The following TMEM71 variants were observed in gnomAD, a reference collection of about 807,000 sequenced individuals.
The protein encoded by TMEM71 is transmembrane protein 71.
In TMEM71, 44 loss-of-function variants were observed where a neutral mutation model predicts 38.0. The ratio of observed to expected loss-of-function variants is 1.16; its 90% confidence interval spans 0.91 to 1.49. The LOEUF (loss-of-function observed/expected upper bound fraction) is 1.49, where lower values mean the gene tolerates loss of function less well. Among genes scored for constraint, TMEM71 ranks in the 40% most tolerant of loss-of-function variants. TMEM71 has a pLI of 0.00. For synonymous variants in TMEM71, 133 were observed against 122.5 expected, an observed-to-expected ratio of 1.09 and a Z score of -0.56; for missense variants, 367 against 348.6, an observed-to-expected ratio of 1.05 and a Z score of -0.42.
chr8:132,735,123 G>T (rs995221281), intron 5 of TMEM71, among the ~76,000 whole-genome samples: 4 of 152,140 alleles, frequency 2.6e-5, no homozygotes, highest in African/African-American at 9.7e-5. Flanking sequence ...TGAATCCTCT[G>T]CTCTCTTTCA....
chr8:132,738,391 T>C lies in TMEM71; in HGVS notation c.487+8551A>G, dbSNP rs551615561. ...TTCTTTGATTCTCCCACGTTCTCACTACTATATTCTATCTATCACTAACCT... is the reference window on the plus strand; with the variant it reads ...TTCTTTGATTCTCCCACGTTCTCACCACTATATTCTATCTATCACTAACCT... On this transcript the variant is annotated intron_variant, in intron 5 of 9. Transcript: ENST00000677595. Among the ~76,000 whole-genome samples, 3 of 152,324 alleles carry C rather than the reference T, an allele frequency of 2.0e-5. No individual in the cohort carries two copies. The East Asian group carries it at 5.8e-4, about 29-fold the overall frequency.
chr8:132,739,857 G>C (rs1827945105), intron 5 of TMEM71, among the ~76,000 whole-genome samples: 1 of 152,092 alleles, frequency 6.6e-6, no homozygotes, highest in Non-Finnish European at 1.5e-5. Context: ...AAATCTTGTT[G>C]AGTCTACCTG....
the TMEM71 span, among the ~76,000 whole-genome samples, chr8:132,774,443 A>G: frequency 6.6e-6 from 1 of 152,248 alleles, no homozygotes; most frequent in Admixed American, 6.5e-5. Flanking sequence ...TGCTGAATGA[A>G]TGTTTGTTGA....
At chr8:132,715,329 G>C (rs1586782914) in intron 7 of TMEM71, among the ~76,000 whole-genome samples, 2 of 144,342 alleles carry the variant, frequency 1.4e-5, no homozygotes, top group East Asian at 4.1e-4. Context: ...AGAATGGCGT[G>C]AACCCGGGAG....
intron 4 of TMEM71, among the ~76,000 whole-genome samples, chr8:132,749,787 G>A (rs565475838): frequency 8.9e-4 from 136 of 152,100 alleles, no homozygotes; most frequent in African/African-American, 2.9e-3. Context: ...AGTTTGAGGC[G>A]GGCGGATCAC....
At chr8:132,775,406 A>AGGC in the TMEM71 span, 611 of 382,648 alleles carry the variant, frequency 1.6e-3, 1 homozygote, top group East Asian at 2.0e-3. Flanking sequence ...CCGGCGGCGG[A>AGGC]GGCGGCGGCG....
Position 132,751,969 on chromosome 8 carries a change from G to A in TMEM71, c.130C>T (p.His44Tyr), listed in dbSNP as rs1300806221. The A allele has an allele frequency of 6.2e-7, 1 of 1,614,058 alleles. No individual in the cohort carries two copies. Among genetic ancestry groups the A allele is most frequent in the Non-Finnish European group, 8.5e-7 (1 of 1,180,026 alleles). Residue 44 changes from histidine to tyrosine, a missense_variant, in exon 4 of 10, where the codon CAT becomes TAT. Coordinates refer to ENST00000677595, the MANE Select transcript of TMEM71 (RefSeq NM_001382403.1). Reference sequence around the variant, plus strand: ...TCTATGGAGCCGCATTCAAAAGAATGGTAACCATCCAGGGAATCACAGGTG... The same window carrying A: ...TCTATGGAGCCGCATTCAAAAGAATAGTAACCATCCAGGGAATCACAGGTG... ...SFTCDSLDGYHSFECGSIDPL... is the reference protein window; with the variant it reads ...SFTCDSLDGYYSFECGSIDPL...
Position 132,747,031 on chromosome 8 carries a change from C to G in TMEM71, c.398G>C (p.Ser133Thr). The change falls in exon 5 of 10, where the codon AGT becomes ACT. Residue 133 changes from serine (S) to threonine (T), a missense_variant. Transcript: ENST00000677595. ...LSTSKSWLHGSIFGDINSSPS... is the reference protein window; with the variant it reads ...LSTSKSWLHGTIFGDINSSPS... ...AGAAGAGTTGATGTCACCAAAGATA[C>G]TTCCATGCAGCCAAGATTTGGAGGT... 3 of 1,613,830 alleles carry G rather than the reference C, an allele frequency of 1.9e-6. No individual in the cohort carries two copies. Among genetic ancestry groups the G allele is most frequent in the Non-Finnish European group, 2.5e-6 (3 of 1,179,904 alleles).
intron 5 of TMEM71, among the ~76,000 whole-genome samples, chr8:132,743,733 C>G (rs2131140118): frequency 6.6e-6 from 1 of 152,268 alleles, no homozygotes; most frequent in Non-Finnish European, 1.5e-5. Flanking sequence ...CCTCTGAGCT[C>G]TGGATTGCAA....
At chr8:132,746,813 T>A in intron 5 of TMEM71, 129 bp downstream of exon 5, 1 of 675,882 alleles carries the variant, frequency 1.5e-6, no homozygotes, top group Non-Finnish European at 2.3e-6. Flanking sequence ...AAGTGAATTT[T>A]AAAAATGTGG....
downstream of TMEM71, among the ~76,000 whole-genome samples, chr8:132,707,479 G>A (rs1427648566): frequency 6.6e-6 from 1 of 152,146 alleles, no homozygotes; most frequent in Non-Finnish European, 1.5e-5. Context: ...TAGGTCATGA[G>A]GGCTCAGCCC....
intron 9 of TMEM71, among the ~76,000 whole-genome samples, chr8:132,711,871 G>A (rs1586780975): frequency 6.6e-6 from 1 of 152,172 alleles, no homozygotes; most frequent in Non-Finnish European, 1.5e-5. Flanking sequence ...AATATTTGTT[G>A]AACTGAATTC....
chr8:132,729,026 A>G (rs1450461772), intron 5 of TMEM71, among the ~76,000 whole-genome samples: 1 of 152,266 alleles, frequency 6.6e-6, no homozygotes, highest in Admixed American at 6.5e-5. Flanking sequence ...ATGATGATTC[A>G]TACATAAATA....
intron 6 of TMEM71, among the ~76,000 whole-genome samples, chr8:132,723,349 T>C (rs922955923): frequency 6.6e-6 from 1 of 152,336 alleles, no homozygotes; most frequent in East Asian, 1.9e-4. Context: ...CAAAGATCAC[T>C]AGACTTGGAT....
intron 9 of TMEM71, 78 bp from the exon 10 acceptor site, chr8:132,711,060 C>T: frequency 7.2e-7 from 1 of 1,379,780 alleles, no homozygotes; most frequent in Non-Finnish European, 1.0e-6. Flanking sequence ...CACTGCATAC[C>T]CATTTGCGCA....
At chr8:132,767,478 G>GTT in the TMEM71 span, among the ~76,000 whole-genome samples, 208 of 137,466 alleles carry the variant, frequency 1.5e-3, no homozygotes, top group South Asian at 2.0e-3. Flanking sequence ...TACCTCTTTG[G>GTT]TTTTTTTTTT....
chr8:132,746,473 A>G (rs1308555227), intron 5 of TMEM71, among the ~76,000 whole-genome samples: 1 of 17,300 alleles, frequency 5.8e-5, no homozygotes, highest in African/African-American at 2.0e-4. Flanking sequence ...ACATATATAT[A>G]TACATATATA....
rs1453519836 is a variant in TMEM71 at position 132,710,902 on chromosome 8, G to A, written c.*65C>T. The A allele has an allele frequency of 6.8e-7, 1 of 1,480,838 alleles. No individual in the cohort carries two copies. Among genetic ancestry groups the A allele is most frequent in the Middle Eastern group, 1.7e-4 (1 of 5,788 alleles). 91.7% of individuals were successfully genotyped at this position (1,480,838 alleles called of 1,614,324 possible). On this transcript the variant is annotated 3_prime_UTR_variant, in exon 10 of 10. Coordinates refer to ENST00000677595, the MANE Select transcript of TMEM71 (RefSeq NM_001382403.1). ...TAAAACACTTGATTCCAAGTAGACTGCAAGTTGGACAATTTCCAGATATTC... is the reference window on the plus strand; with the variant it reads ...TAAAACACTTGATTCCAAGTAGACTACAAGTTGGACAATTTCCAGATATTC...
At chr8:132,761,102 C>T (rs991029615), upstream of TMEM71, among the ~76,000 whole-genome samples, 2 of 152,184 alleles carry the variant, frequency 1.3e-5, no homozygotes, top group Admixed American at 1.3e-4. Context: ...TTTACATTTA[C>T]ATTATAGTAG....
Sources: gnomAD v4.1 joint callset for allele counts (sites outside exome capture counted in the v4.1 genomes callset) on GRCh38, gnomAD v4.1.1 for gene constraint, MANE v1.5 for transcripts, NCBI Gene and HGNC (gene_info 2026-07-23, HGNC 2026-07-21) for gene names.